Variants in ALK observed in about 807,000 individuals in gnomAD.
ALK encodes the protein ALK receptor tyrosine kinase.
In ALK, 74 loss-of-function variants were observed where a neutral mutation model predicts 163.1. The observed-to-expected ratio is 0.45, with a 90% CI of 0.38 to 0.55. The LOEUF (loss-of-function observed/expected upper bound fraction) is 0.55. Among genes scored for constraint, ALK ranks in the 20% least tolerant of loss-of-function variants. ALK has a pLI of 0.00. For synonymous variants in ALK, 960 were observed against 843.2 expected, an observed-to-expected ratio of 1.14 and a Z score of -2.40; for missense variants, 2,063 against 2,105.3, an observed-to-expected ratio of 0.98 and a Z score of 0.39.
At chr2:29,458,090 T>C (rs1243564243) in intron 4 of ALK, among the ~76,000 whole-genome samples, 1 of 152,190 alleles carries the variant, frequency 6.6e-6, no homozygotes, top group Non-Finnish European at 1.5e-5. Context: ...TTTAAACCTA[T>C]AATCGTGTTT....
chr2:29,639,599 G>C (rs947685093), intron 3 of ALK, among the ~76,000 whole-genome samples: 1 of 152,188 alleles, frequency 6.6e-6, no homozygotes, highest in African/African-American at 2.4e-5. Flanking sequence ...CTAGGGCAAA[G>C]TTACATTGCC....
intron 4 of ALK, among the ~76,000 whole-genome samples, chr2:29,393,001 A>C (rs1244064643): frequency 6.6e-6 from 1 of 151,986 alleles, no homozygotes; most frequent in Non-Finnish European, 1.5e-5. Flanking sequence ...CTGAATGCTC[A>C]AGGTCACTGA....
rs940637826 is a variant in ALK at position 29,254,985 on chromosome 2, C to T, written c.2042-3718G>A. ...CAGACGGATGGGCCTAGAGAGGGAA[C>T]GCTTTCTAAAGTGGATTCTGTGGGA... On this transcript the variant is annotated intron_variant, in intron 11 of 28. Transcript: ENST00000389048. Among the ~76,000 whole-genome samples, 7 of 152,156 alleles carry T rather than the reference C, an allele frequency of 4.6e-5. No individual in the cohort carries two copies. In the East Asian group the frequency reaches 5.8e-4, roughly 13 times the overall value.
chr2:29,556,584 G>A (rs1673867199), intron 3 of ALK, among the ~76,000 whole-genome samples: 1 of 152,108 alleles, frequency 6.6e-6, no homozygotes, highest in Non-Finnish European at 1.5e-5. Flanking sequence ...ATAGAAAGGT[G>A]GCCACTGTGA....
intron 1 of ALK, among the ~76,000 whole-genome samples, chr2:29,744,182 G>A (rs1680142015): frequency 1.3e-5 from 2 of 152,168 alleles, no homozygotes; most frequent in African/African-American, 4.8e-5. Context: ...AGGAAACTGA[G>A]GCCCCACAGG....
chr2:29,396,451 G>A (rs10865511), intron 4 of ALK, among the ~76,000 whole-genome samples: 2 of 151,694 alleles, frequency 1.3e-5, no homozygotes, highest in African/African-American at 4.8e-5. Flanking sequence ...CGAGGTGGGC[G>A]GATCACGAGG....
intron 7 of ALK, among the ~76,000 whole-genome samples, chr2:29,318,723 C>G (rs1197265891): frequency 6.6e-6 from 1 of 152,036 alleles, no homozygotes; most frequent in Non-Finnish European, 1.5e-5. Context: ...CCTGCCACCA[C>G]GCCCGGCTAA....
intron 1 of ALK, among the ~76,000 whole-genome samples, chr2:29,802,978 G>A (rs1000101556): frequency 8.6e-5 from 13 of 151,828 alleles, no homozygotes; most frequent in Non-Finnish European, 1.8e-4. Flanking sequence ...TAACCTAAAT[G>A]GGATTTTAAA....
chr2:29,642,982 G>T (rs1414604430), intron 3 of ALK, among the ~76,000 whole-genome samples: 1 of 152,006 alleles, frequency 6.6e-6, no homozygotes, highest in Non-Finnish European at 1.5e-5. Flanking sequence ...CTTTCCTCTG[G>T]GAGCTCAGAG....
intron 12 of ALK, among the ~76,000 whole-genome samples, chr2:29,248,628 C>T (rs1553398780): frequency 2.6e-5 from 4 of 152,160 alleles, no homozygotes; most frequent in South Asian, 4.2e-4. Context: ...TGCTGGGGCC[C>T]GGAGCTGGCC....
chr2:29,477,383 T>C (rs1444707913), intron 4 of ALK, among the ~76,000 whole-genome samples: 1 of 152,172 alleles, frequency 6.6e-6, no homozygotes, highest in Admixed American at 6.5e-5. Flanking sequence ...CTTGGCTCTC[T>C]AGTTGTGGTG....
chr2:29,858,997 C>T (rs1666215344), intron 1 of ALK, among the ~76,000 whole-genome samples: 3 of 152,132 alleles, frequency 2.0e-5, no homozygotes, highest in South Asian at 4.1e-4. Flanking sequence ...TACATCACTG[C>T]ACTCCAGCCT....
At chr2:29,645,164 G>A (rs116605458) in intron 3 of ALK, among the ~76,000 whole-genome samples, 2,143 of 152,262 alleles carry the variant, frequency 0.014, 55 homozygotes, top group African/African-American at 0.048. Flanking sequence ...GTGGGTAAGT[G>A]CATCTATGAG....
chr2:29,865,139 G>T (rs1183757800), intron 1 of ALK, among the ~76,000 whole-genome samples: 3 of 152,196 alleles, frequency 2.0e-5, no homozygotes, highest in Non-Finnish European at 4.4e-5. Context: ...TCCCAACATT[G>T]CCATGATCTT....
At chr2:29,593,160 G>T (rs1433168394) in intron 3 of ALK, among the ~76,000 whole-genome samples, 2 of 152,200 alleles carry the variant, frequency 1.3e-5, no homozygotes, top group South Asian at 2.1e-4. Context: ...GCCAGTGCCT[G>T]GCTGGCATGT....
chr2:29,627,551 G>A (rs1278854079), intron 3 of ALK, among the ~76,000 whole-genome samples: 2 of 152,034 alleles, frequency 1.3e-5, no homozygotes, highest in Non-Finnish European at 2.9e-5. Context: ...TCTCACACAC[G>A]TGTCTCTGGC....
intron 1 of ALK, among the ~76,000 whole-genome samples, chr2:29,893,674 G>A (rs554725421): frequency 1.3e-5 from 2 of 152,234 alleles, no homozygotes; most frequent in East Asian, 1.9e-4. Flanking sequence ...TAAGCAGACT[G>A]CAGCACAGGC....
intron 11 of ALK, among the ~76,000 whole-genome samples, chr2:29,263,155 T>G (rs77295328): frequency 0.013 from 1,957 of 152,312 alleles, 36 homozygotes; most frequent in African/African-American, 0.044. Flanking sequence ...TCTGCCACAC[T>G]CAAGCCCAAA....
chr2:29,533,791 G>A (rs1021656327), intron 3 of ALK, among the ~76,000 whole-genome samples: 2 of 152,188 alleles, frequency 1.3e-5, no homozygotes, highest in African/African-American at 4.8e-5. Context: ...GGGGTGCACA[G>A]ATGTCTGCAA....
Sources: allele counts gnomAD v4.1 joint callset (sites outside exome capture counted in the v4.1 genomes callset), GRCh38; gene constraint gnomAD v4.1.1; transcripts MANE v1.5; gene names NCBI Gene and HGNC (gene_info 2026-07-23, HGNC 2026-07-21).